AGFG1: variants seen among roughly 807,000 people sequenced by gnomAD.
AGFG1 encodes ArfGAP with FG repeats 1.
Under a neutral mutation model 60.6 loss-of-function variants are expected in AGFG1, and 10 were observed. The ratio of observed to expected loss-of-function variants is 0.16; its 90% CI spans 0.10 to 0.28. The LOEUF (loss-of-function observed/expected upper bound fraction) is 0.28. AGFG1 is among the 10% of genes least tolerant of loss of function. The pLI, the probability that AGFG1 is intolerant of heterozygous loss-of-function variation, is 1.00. For synonymous variants in AGFG1, 247 were observed against 242.9 expected (o/e 1.02, Z -0.16); for missense variants, 537 against 676.5 (o/e 0.79, Z 2.29).
intron 2 of AGFG1, among the ~76,000 whole-genome samples, chr2:227,501,950 C>G (rs1249549438): frequency 6.6e-6 from 1 of 152,130 alleles, no homozygotes. Flanking sequence ...CCTTGACCAC[C>G]TGTGCTTAAG....
At chr2:227,501,556 C>G (rs1351572029) in intron 2 of AGFG1, among the ~76,000 whole-genome samples, 1 of 152,140 alleles carries the variant, frequency 6.6e-6, no homozygotes, top group Non-Finnish European at 1.5e-5. Flanking sequence ...TACAGACAGT[C>G]ACTGGACACT....
chr2:227,555,846 G>A lies in AGFG1; in HGVS notation c.*1351G>A, dbSNP rs1324101860. On this transcript the variant is annotated 3_prime_UTR_variant, in exon 13 of 13. Coordinates refer to ENST00000310078, the MANE Select transcript of AGFG1 (RefSeq NM_004504.5). The stretch of plus-strand genomic sequence containing the variant: ...AAATGCCTCTGAGCAACCCATATAA[G>A]TCACAAAGTCTGTGTGTTAGAGCTT... 6.6e-6 allele frequency: 1 copy of A among 152,086 alleles called. No individual in the cohort carries two copies. The highest frequency in any genetic ancestry group is 1.9e-4 in the East Asian group (1 of 5,180). 9.4% of individuals were successfully genotyped at this position (152,086 alleles called of 1,614,324 possible). A position where few individuals can be genotyped will look rare whatever the true frequency, so the allele number is the denominator to read the frequency against.
At chr2:227,544,015 T>C (rs1692568869) in intron 10 of AGFG1, among the ~76,000 whole-genome samples, 1 of 152,198 alleles carries the variant, frequency 6.6e-6, no homozygotes, top group African/African-American at 2.4e-5. Flanking sequence ...TTTTTTTGTT[T>C]TCTATTTGCT....
At chr2:227,497,173 C>T (rs569233518) in intron 2 of AGFG1, among the ~76,000 whole-genome samples, 10 of 151,046 alleles carry the variant, frequency 6.6e-5, no homozygotes, top group Admixed American at 4.6e-4. Context: ...CTTCCCCCCC[C>T]ACCCCACACA....
At chr2:227,483,921 CTTTT>C (rs772566088) in intron 1 of AGFG1, among the ~76,000 whole-genome samples, 1 of 151,672 alleles carries the variant, frequency 6.6e-6, no homozygotes, top group African/African-American at 2.4e-5. Flanking sequence ...ATTCCGTTTT[CTTTT>C]TTTTATTATA....
intron 2 of AGFG1, among the ~76,000 whole-genome samples, chr2:227,518,796 A>G (rs1477993731): frequency 6.6e-6 from 1 of 152,000 alleles, no homozygotes; most frequent in Non-Finnish European, 1.5e-5. Flanking sequence ...GTGTCATTTT[A>G]ATTTGCATTT....
rs887364618 is a variant in AGFG1, at chr2:227,534,910, C to G, written c.1090C>G (p.Pro364Ala). ...KAPVGSVVSV[P>A]SQSSASSDKY... is the part of the protein sequence containing the mutation. ...TCCTGTTGGTTCTGTGGTTTCAGTT[C>G]CCAGTCAGTCAAGTGCATCTTCAGA... The change falls in exon 8 of 13, where the codon CCC (proline) becomes GCC (alanine). Residue 364 changes from proline (P) to alanine (A), a missense_variant. Physicochemically the swap from Pro to Ala is conservative, Grantham distance 27. Transcript: ENST00000310078. 13 of 1,613,750 alleles carry G rather than the reference C, an allele frequency of 8.1e-6. No individual in the cohort carries two copies. The highest frequency in any genetic ancestry group is 1.1e-5 in the Non-Finnish European group (13 of 1,179,780).
In AGFG1 at chr2:227,556,579, A is replaced by G. The variant is rs954194683; in HGVS notation, c.*2084A>G. On this transcript the variant is annotated 3_prime_UTR_variant, in exon 13 of 13. Transcript: ENST00000310078. ...GGGTCCCAGTTGATTCATGTGTACA[A>G]AGTTATGCTACCTAATTACAGACCA... The G allele has an allele frequency of 1.3e-5, 2 of 152,580 alleles. No individual in the cohort carries two copies. Among genetic ancestry groups the G allele is most frequent in the South Asian group, 2.1e-4 (1 of 4,824 alleles). The allele number at this position is 152,580 out of a possible 1,614,324, so 9.5% of individuals were successfully genotyped here. A position where few individuals can be genotyped will look rare whatever the true frequency, so the allele number is the denominator to read the frequency against.
intron 1 of AGFG1, 39 bp downstream of exon 1, chr2:227,472,627 C>T (rs1254742730): frequency 1.6e-5 from 23 of 1,480,032 alleles, no homozygotes; most frequent in African/African-American, 4.4e-5. Context: ...GGGCCCTTCC[C>T]GGGAGGTGGG....
chr2:227,497,809 A>G (rs1242195053), intron 2 of AGFG1, among the ~76,000 whole-genome samples: 1 of 122,230 alleles, frequency 8.2e-6, no homozygotes, highest in Non-Finnish European at 1.6e-5. Context: ...CAGTGGTGCA[A>G]TCTTGGCTCA....
chr2:227,560,243 A>T lies in AGFG1; in HGVS notation c.*5748A>T, dbSNP rs1693095807. On this transcript the variant is annotated 3_prime_UTR_variant, in exon 13 of 13. Coordinates refer to ENST00000310078, the MANE Select transcript of AGFG1 (RefSeq NM_004504.5). ...CCTTTGGGAGAACATTTGTTTATAGACTTTTCTACTAAAAATATTGTTATA... is the reference window on the plus strand; with the variant it reads ...CCTTTGGGAGAACATTTGTTTATAGTCTTTTCTACTAAAAATATTGTTATA... 1 of 152,080 alleles carries T rather than the reference A, an allele frequency of 6.6e-6. No individual in the cohort carries two copies. The highest frequency in any genetic ancestry group is 2.4e-5 in the African/African-American group (1 of 41,428). 9.4% of individuals were successfully genotyped at this position (152,080 alleles called of 1,614,324 possible). A position where few individuals can be genotyped will look rare whatever the true frequency, so the allele number is the denominator to read the frequency against.
chr2:227,524,966 A>G, intron 5 of AGFG1, 51 bp downstream of exon 5: 6 of 1,592,814 alleles, frequency 3.8e-6, no homozygotes, highest in Non-Finnish European at 5.2e-6. Flanking sequence ...TAAAACACCA[A>G]GAAACATCAA....
chr2:227,552,671 T>C (rs1231776903), intron 11 of AGFG1, among the ~76,000 whole-genome samples: 1 of 151,304 alleles, frequency 6.6e-6, no homozygotes, highest in Non-Finnish European at 1.5e-5. Context: ...GTTTCTTTTT[T>C]CTTTTTTTTT....
intron 10 of AGFG1, among the ~76,000 whole-genome samples, chr2:227,539,781 A>G (rs943871606): frequency 4.8e-5 from 7 of 145,800 alleles, no homozygotes; most frequent in Non-Finnish European, 1.1e-4. Flanking sequence ...AGGTACCCTT[A>G]TTGCATAATA....
intron 2 of AGFG1, among the ~76,000 whole-genome samples, chr2:227,509,446 G>C (rs1691429420): frequency 1.3e-5 from 2 of 152,152 alleles, no homozygotes; most frequent in Non-Finnish European, 2.9e-5. Flanking sequence ...CCATTATTAA[G>C]ATTACTGACT....
chr2:227,535,978 T>C (rs1397967055), intron 8 of AGFG1, among the ~76,000 whole-genome samples: 1 of 152,160 alleles, frequency 6.6e-6, no homozygotes, highest in Admixed American at 6.5e-5. Flanking sequence ...GATATTTGCA[T>C]TGATGGTGTG....
At chr2:227,510,817 T>A (rs773412812) in intron 2 of AGFG1, 11 of 152,240 alleles carry the variant, frequency 7.2e-5, no homozygotes, top group Non-Finnish European at 1.0e-4. Context: ...TTATGGTAGA[T>A]GTCTGAATTA....
chr2:227,547,924 A>G (rs1692701996), intron 10 of AGFG1, among the ~76,000 whole-genome samples: 1 of 152,226 alleles, frequency 6.6e-6, no homozygotes, highest in Non-Finnish European at 1.5e-5. Context: ...TATCATCGCT[A>G]AGAAGTAGAA....
chr2:227,499,286 G>C (rs1691076462), intron 2 of AGFG1, among the ~76,000 whole-genome samples: 1 of 151,878 alleles, frequency 6.6e-6, no homozygotes, highest in South Asian at 2.1e-4. Context: ...TGAGGATCCA[G>C]GTAATATCCA....
Sources: allele counts gnomAD v4.1 joint callset (sites outside exome capture counted in the v4.1 genomes callset), GRCh38; gene constraint gnomAD v4.1.1; transcripts MANE v1.5; gene names NCBI Gene and HGNC (gene_info 2026-07-23, HGNC 2026-07-21).